The following NAALADL2 variants were observed in gnomAD, a reference collection of about 807,000 sequenced individuals.
NAALADL2 encodes N-acetylated alpha-linked acidic dipeptidase like 2.
NAALADL2 carries 76 observed loss-of-function variants against 87.2 expected under a neutral mutation model. The ratio of observed to expected loss-of-function variants is 0.87; its 90% CI spans 0.72 to 1.05. The LOEUF is 1.05. Among genes scored for constraint, NAALADL2 ranks in the 50% least tolerant of loss-of-function variants. NAALADL2 has a pLI of 0.00. For missense variants in NAALADL2, 1,089 were observed against 945.8 expected, an observed-to-expected ratio of 1.15 and a Z score of -1.99; for synonymous variants, 354 against 331.0, an observed-to-expected ratio of 1.07 and a Z score of -0.75.
At chr3:174,989,198 A>G (rs543483963) in intron 1 of NAALADL2, among the ~76,000 whole-genome samples, 2 of 152,102 alleles carry the variant, frequency 1.3e-5, no homozygotes, top group Non-Finnish European at 2.9e-5. Flanking sequence ...AATACCTCCC[A>G]TCGGGCCCCA....
intron 4 of NAALADL2, among the ~76,000 whole-genome samples, chr3:175,274,965 C>A (rs1258674611): frequency 6.6e-6 from 1 of 152,146 alleles, no homozygotes; most frequent in East Asian, 1.9e-4. Context: ...ACAAAGTAAA[C>A]ACTCATGAAT....
chr3:175,100,056 AATTAT>A (rs1283336031), intron 2 of NAALADL2, among the ~76,000 whole-genome samples: 2 of 151,272 alleles, frequency 1.3e-5, no homozygotes, highest in East Asian at 3.9e-4. Context: ...TAAGTTATAT[AATTAT>A]ATTATGATTA....
intron 1 of NAALADL2, among the ~76,000 whole-genome samples, chr3:174,904,418 G>C (rs1276224399): frequency 6.6e-6 from 1 of 151,778 alleles, no homozygotes; most frequent in African/African-American, 2.4e-5. Context: ...TGAAAGTTTG[G>C]CATTCTACGA....
intron 2 of NAALADL2, among the ~76,000 whole-genome samples, chr3:175,141,342 G>T (rs2108726686): frequency 6.6e-6 from 1 of 152,072 alleles, no homozygotes; most frequent in South Asian, 2.1e-4. Context: ...GGGGACCACT[G>T]TTGCAGTCTA....
At chr3:175,176,547 G>A (rs934419666) in intron 2 of NAALADL2, among the ~76,000 whole-genome samples, 9 of 152,130 alleles carry the variant, frequency 5.9e-5, no homozygotes, top group African/African-American at 1.9e-4. Flanking sequence ...ATGAAATATT[G>A]TACATGTGAT....
chr3:175,338,790 G>A (rs1762295174), intron 5 of NAALADL2, among the ~76,000 whole-genome samples: 1 of 152,048 alleles, frequency 6.6e-6, no homozygotes, highest in Non-Finnish European at 1.5e-5. Context: ...AATAAAGTTA[G>A]GATTGGTACT....
intron 3 of NAALADL2, among the ~76,000 whole-genome samples, chr3:174,784,270 G>GA (rs1716340608): frequency 6.6e-6 from 1 of 152,134 alleles, no homozygotes; most frequent in African/African-American, 2.4e-5. Context: ...TTAGGATAGG[G>GA]AAAATTATAC....
rs571947495 is a variant in NAALADL2 at position 175,763,046 on chromosome 3, T to C, written c.2189+7628T>C. Among the ~76,000 whole-genome samples, 131 of 151,902 alleles carry C rather than the reference T, an allele frequency of 8.6e-4. 2 individuals carry two copies. In the East Asian group the frequency reaches 0.023, roughly 26 times the overall value. ...TTGCAGTGAGCCGAGATGGCGCCAC[T>C]GCACTCCAGCCTGGGGGACACAGCA... On this transcript the variant is annotated intron_variant, in intron 13 of 13. Coordinates refer to ENST00000454872, the MANE Select transcript of NAALADL2 (RefSeq NM_207015.3).
intron 1 of NAALADL2, among the ~76,000 whole-genome samples, chr3:174,888,046 G>A (rs1730399640): frequency 6.6e-6 from 1 of 152,118 alleles, no homozygotes; most frequent in Non-Finnish European, 1.5e-5. Flanking sequence ...CAGGGTGGAT[G>A]TCTTACAGGA....
chr3:174,844,805 T>C (rs1465066368), intron 3 of NAALADL2, among the ~76,000 whole-genome samples: 1 of 151,114 alleles, frequency 6.6e-6, no homozygotes, highest in Non-Finnish European at 1.5e-5. Flanking sequence ...TATCCTGCAA[T>C]TTTAATGAAC....
intron 4 of NAALADL2, among the ~76,000 whole-genome samples, chr3:175,275,424 TCA>T (rs1753444500): frequency 6.6e-6 from 1 of 151,960 alleles, no homozygotes; most frequent in African/African-American, 2.4e-5. Flanking sequence ...AACTAAAATC[TCA>T]CATGGCCTTT....
intron 3 of NAALADL2, among the ~76,000 whole-genome samples, chr3:174,774,048 G>A (rs1050259905): frequency 4.6e-5 from 7 of 152,038 alleles, no homozygotes; most frequent in Non-Finnish European, 8.8e-5. Flanking sequence ...TTATTCACAA[G>A]CCTTTCCATT....
chr3:174,782,934 C>T (rs1183797409), intron 3 of NAALADL2, among the ~76,000 whole-genome samples: 2 of 152,076 alleles, frequency 1.3e-5, no homozygotes, highest in African/African-American at 4.8e-5. Context: ...GAGACACAGC[C>T]AAACCATATC....
chr3:175,213,422 G>A (rs1037271473), intron 2 of NAALADL2, among the ~76,000 whole-genome samples: 1 of 152,092 alleles, frequency 6.6e-6, no homozygotes, highest in Non-Finnish European at 1.5e-5. Context: ...CCAGTGTCAG[G>A]TCATGTAGGA....
chr3:175,099,087 T>C (rs928125926), intron 2 of NAALADL2, among the ~76,000 whole-genome samples: 2 of 152,178 alleles, frequency 1.3e-5, no homozygotes, highest in African/African-American at 2.4e-5. Flanking sequence ...TCCCTCCTTA[T>C]ATAACTTTGG....
intron 2 of NAALADL2, among the ~76,000 whole-genome samples, chr3:174,636,768 AAAAC>A (rs1356284749): frequency 1.3e-5 from 2 of 152,098 alleles, no homozygotes; most frequent in Non-Finnish European, 2.9e-5. Flanking sequence ...AAAAATAAAA[AAAAC>A]TAACTAAAAA....
At chr3:175,758,144 CCT>C (rs1747509715) in intron 13 of NAALADL2, among the ~76,000 whole-genome samples, 1 of 151,766 alleles carries the variant, frequency 6.6e-6, no homozygotes, top group Admixed American at 6.6e-5. Context: ...TTTGTCTGCC[CCT>C]GAGTTAAAAA....
intron 2 of NAALADL2, among the ~76,000 whole-genome samples, chr3:174,715,394 G>A (rs2108931289): frequency 6.6e-6 from 1 of 152,184 alleles, no homozygotes; most frequent in East Asian, 1.9e-4. Context: ...AAAATAATCA[G>A]TATTACTTAT....
intron 3 of NAALADL2, among the ~76,000 whole-genome samples, chr3:175,237,814 A>C (rs1268445730): frequency 6.6e-6 from 1 of 152,134 alleles, no homozygotes; most frequent in Non-Finnish European, 1.5e-5. Context: ...AATTTCTATT[A>C]CAGCATATGG....
Sources: allele counts gnomAD v4.1 joint callset (sites outside exome capture counted in the v4.1 genomes callset), GRCh38; gene constraint gnomAD v4.1.1; transcripts MANE v1.5; gene names NCBI Gene and HGNC (gene_info 2026-07-23, HGNC 2026-07-21).